Variants in FNBP4 observed in about 807,000 individuals in gnomAD.
The protein encoded by FNBP4 is formin binding protein 4, also known as formin-binding protein 4.
A neutral mutation model predicts 119.3 loss-of-function variants in FNBP4; 34 were observed. The observed-to-expected ratio is 0.28, with a 90% CI of 0.22 to 0.38. The LOEUF is 0.38. Ranked by LOEUF, FNBP4 falls within the 10% of genes least tolerant of loss-of-function variation. FNBP4 has a pLI of 1.00. For missense variants in FNBP4, 1,112 were observed against 1,228.9 expected, an observed-to-expected ratio of 0.90 and a Z score of 1.42; for synonymous variants, 462 against 430.6, an observed-to-expected ratio of 1.07 and a Z score of -0.90.
chr11:47,759,073 C>G (rs2097626840), intron 2 of FNBP4, among the ~76,000 whole-genome samples: 2 of 151,886 alleles, frequency 1.3e-5, no homozygotes, highest in African/African-American at 4.8e-5. Context: ...GCGCACGCCA[C>G]CACGACCTGC....
chr11:47,745,946 G>C, intron 7 of FNBP4, 110 bp downstream of exon 7: 1 of 945,682 alleles, frequency 1.1e-6, no homozygotes, highest in Non-Finnish European at 1.6e-6. Context: ...ATACCTAGAT[G>C]ATGGGATAAG....
Position 47,752,931 on chromosome 11 carries a change from A to C in FNBP4, c.622T>G (p.Cys208Gly), listed in dbSNP as rs1211474643. The change falls in exon 4 of 17, where the codon TGT becomes GGT. Residue 208 changes from cysteine to glycine, a missense_variant. Around this residue, in one of 2 missense-constraint regions of FNBP4, gnomAD observed 826 missense variants for 988.8 expected, o/e 0.84. Transcript: ENST00000263773. The part of the protein sequence containing the change: ...QTSGWQYDTQ[C>G]SLAGVGIEMG... ...TCAAGTTTACCTCCTGCCAGTGAAC[A>C]CTGAGTATCATATTGCCAACCAGAT... 1.9e-6 allele frequency: 3 copies of C among 1,612,856 alleles called. No individual in the cohort carries two copies. Among genetic ancestry groups the C allele is most frequent in the Non-Finnish European group, 2.5e-6 (3 of 1,179,372 alleles).
At chr11:47,720,115 A>T (rs201414032) in intron 15 of FNBP4, 29 bp from the exon 16 acceptor site, 70 of 1,590,678 alleles carry the variant, frequency 4.4e-5, no homozygotes, top group Non-Finnish European at 5.3e-5. Flanking sequence ...GTCAAAAGGA[A>T]TAGAAAACAT....
At chr11:47,755,410 C>T (rs1479616207) in intron 2 of FNBP4, among the ~76,000 whole-genome samples, 2 of 151,800 alleles carry the variant, frequency 1.3e-5, no homozygotes, top group Non-Finnish European at 2.9e-5. Context: ...GATCACGCCA[C>T]TGCACTCCAG....
chr11:47,738,985 GTGAGGCACGGCGCCTGGCTTTTTTTTTT>G (rs1239930170), intron 8 of FNBP4, among the ~76,000 whole-genome samples: 1 of 149,948 alleles, frequency 6.7e-6, no homozygotes, highest in South Asian at 2.1e-4. Context: ...GATTACAGAT[GTGAGGCACGGCGCCTGGCTTTTTTTTTT>G]TGAGGCACGG....
intron 6 of FNBP4, among the ~76,000 whole-genome samples, chr11:47,746,810 C>T (rs1229282253): frequency 6.6e-6 from 1 of 152,076 alleles, no homozygotes; most frequent in Non-Finnish European, 1.5e-5. Flanking sequence ...CGTGCCCGGC[C>T]AAAACCACTT....
In FNBP4 at chr11:47,720,062, G is replaced by C. The variant is rs765238923; in HGVS notation, c.2830C>G (p.Pro944Ala). The change falls in exon 16 of 17, where the codon CCA becomes GCA. Residue 944 changes from proline to alanine, a missense_variant. Coordinates refer to ENST00000263773, the MANE Select transcript of FNBP4 (RefSeq NM_015308.5). Reference sequence around the variant, plus strand: ...CTCTGCCACTTTTTTACCAAAGATGGCATTTTGGTCTTACTCTTCTTTGCC... The same window carrying C: ...CTCTGCCACTTTTTTACCAAAGATGCCATTTTGGTCTTACTCTTCTTTGCC... ...DKAKKSKTKM[P>A]SLVKKWQSIQ... The C allele has an allele frequency of 6.2e-7, 1 of 1,613,728 alleles. No individual in the cohort carries two copies. The highest frequency in any genetic ancestry group is 1.7e-5 in the Admixed American group (1 of 59,952).
At chr11:47,754,737 TATAAC>T in intron 2 of FNBP4, 73 bp from the exon 3 acceptor site, 5 of 1,514,864 alleles carry the variant, frequency 3.3e-6, no homozygotes, top group African/African-American at 1.4e-5. Context: ...AAAGCGGAAG[TATAAC>T]ATGTTTTTTT....
intron 6 of FNBP4, among the ~76,000 whole-genome samples, chr11:47,749,576 T>A (rs973276138): frequency 1.3e-5 from 2 of 152,130 alleles, no homozygotes; most frequent in African/African-American, 2.4e-5. Flanking sequence ...AAATTAAAAT[T>A]AAAATATATT....
At chr11:47,763,190 G>A (rs1024296037) in intron 2 of FNBP4, among the ~76,000 whole-genome samples, 1 of 152,032 alleles carries the variant, frequency 6.6e-6, no homozygotes, top group African/African-American at 2.4e-5. Context: ...CAGGCTGGGC[G>A]TGGTGGCTCA....
In FNBP4 at chr11:47,754,597, T is replaced by A; in HGVS notation, c.381A>T (p.Leu127=). ...TTCCATTTGTCTCTTTGGATTGTGC[T>A]AGTTTTTCGGAAACATCATTGTCAT... is the stretch of plus-strand genomic sequence containing the variant. ...DDDDNDVSEK[L]AQSKETNGNQ... Residue 127 remains leucine, a synonymous_variant, in exon 3 of 17, where the codon CTA becomes CTT. Transcript: ENST00000263773. The A allele has an allele frequency of 1.2e-6, 2 of 1,614,188 alleles. No individual in the cohort carries two copies. Among genetic ancestry groups the A allele is most frequent in the Non-Finnish European group, 1.7e-6 (2 of 1,180,034 alleles).
intron 15 of FNBP4, among the ~76,000 whole-genome samples, chr11:47,721,610 C>CA (rs2097555711): frequency 6.6e-6 from 1 of 150,456 alleles, no homozygotes. Flanking sequence ...CTCCCCCTGC[C>CA]AAAAAAAATC....
intron 12 of FNBP4, among the ~76,000 whole-genome samples, chr11:47,731,028 G>A (rs560262695): frequency 1.2e-4 from 18 of 152,288 alleles, no homozygotes; most frequent in Non-Finnish European, 2.4e-4. Flanking sequence ...ATCTCAGCAT[G>A]CCACATATAT....
At chr11:47,759,477 G>A (rs2097628285) in intron 2 of FNBP4, among the ~76,000 whole-genome samples, 1 of 151,920 alleles carries the variant, frequency 6.6e-6, no homozygotes, top group South Asian at 2.1e-4. Context: ...GCCTCCGAAA[G>A]TGCTGAGATT....
rs1343001563 is a variant in FNBP4 at position 47,746,148 on chromosome 11, C to T, written c.1153G>A (p.Glu385Lys). The change falls in exon 7 of 17, where the codon GAG (glutamate) becomes AAG (lysine). Residue 385 changes from glutamate to lysine, a missense_variant. By Grantham distance (56) the Glu-to-Lys change is moderately conservative (BLOSUM62 1). Around this residue, in one of 2 missense-constraint regions of FNBP4, gnomAD observed 826 missense variants for 988.8 expected, o/e 0.84. Transcript: ENST00000263773. ...MLDNIEDPSQ[E>K]DLCSVVQSGE... ...GATTGGACAACACTGCAAAGATCCT[C>T]CTGAGAAGGGTCTTCTATATTGTCC... 1.9e-6 allele frequency: 3 copies of T among 1,614,178 alleles called. No individual in the cohort carries two copies. In the South Asian group the frequency reaches 3.3e-5, roughly 18 times the overall value.
At position 47,752,944 on chromosome 11, in the gene FNBP4, T is replaced by A. The variant is rs367661294; in HGVS notation, c.609A>T (p.Gln203His). The A allele has an allele frequency of 3.4e-5, 55 of 1,613,718 alleles. No individual in the cohort carries two copies. Among genetic ancestry groups the A allele is most frequent in the Non-Finnish European group, 4.5e-5 (53 of 1,179,848 alleles). ...CTGCCAGTGAACACTGAGTATCATA[T>A]TGCCAACCAGATGTTTGGGTGGAGT... ...GTDSTQTSGW[Q>H]YDTQCSLAGV... Residue 203 changes from glutamine to histidine, a missense_variant, in exon 4 of 17, where the codon CAA becomes CAT. This residue lies in a region of FNBP4 where 826 missense variants were observed against 988.8 expected (regional missense o/e 0.84). Transcript: ENST00000263773.
rs183863471 is a variant in FNBP4 at position 47,750,921 on chromosome 11, T to C, written c.901A>G (p.Lys301Glu). ...SGPVIAKREV[K>E]KEVNEGIQAL... ...AGGTAAGTTTCGACACTGACCTTTT[T>C]AACTTCTCGCTTGGCTATGACTGGT... The change falls in exon 6 of 17, where the codon AAA becomes GAA. Residue 301 changes from lysine (K) to glutamate (E), a missense_variant. Transcript: ENST00000263773. 1.5e-4 allele frequency: 235 copies of C among 1,613,886 alleles called. No individual in the cohort carries two copies. The highest frequency in any genetic ancestry group is 1.8e-4 in the Admixed American group (11 of 59,918).
chr11:47,741,355 A>G (rs2097581752), intron 8 of FNBP4, among the ~76,000 whole-genome samples: 1 of 151,556 alleles, frequency 6.6e-6, no homozygotes, highest in Admixed American at 6.6e-5. Context: ...AACATTTTAG[A>G]GACAGTGTCT....
In FNBP4 at chr11:47,736,421, A is replaced by C. The variant is rs374432268; in HGVS notation, c.1581+195T>G. 3.0e-4 allele frequency among the ~76,000 whole-genome samples: 44 copies of C among 147,802 alleles called. No individual in the cohort carries two copies. The East Asian group carries it at 4.6e-3, about 15-fold the overall frequency. On this transcript the variant is annotated intron_variant, in intron 9 of 16. Transcript: ENST00000263773. ...AAATACAAAAATTAGCTGGGAGTTG[A>C]GGTGCGTGCCTGTAATCCCAGCTAC...
Sources: allele counts gnomAD v4.1 joint callset (sites outside exome capture counted in the v4.1 genomes callset), GRCh38; gene constraint gnomAD v4.1.1; regional missense constraint gnomAD v4.1.1; transcripts MANE v1.5; gene names NCBI Gene and HGNC (gene_info 2026-07-23, HGNC 2026-07-21).